The following IGSF10 variants were observed in gnomAD, a reference collection of about 807,000 sequenced individuals.
IGSF10 encodes calvaria mechanical force protein 608.
IGSF10 carries 126 observed loss-of-function variants against 128.2 expected under a neutral mutation model. That is an observed-to-expected ratio of 0.98 (90% CI 0.85 to 1.14). IGSF10 has a LOEUF of 1.14. Among genes scored for constraint, IGSF10 ranks in the 50% most tolerant of loss-of-function variants. IGSF10 has a pLI of 0.00. For synonymous variants in IGSF10, 1,185 were observed against 1,146.2 expected (o/e 1.03, Z -0.68); for missense variants, 3,295 against 3,149.8 (o/e 1.05, Z -1.10).
rs368405652 is a variant in IGSF10, at chr3:151,448,034, G to A, written c.1947C>T (p.Asn649=). Residue 649 remains asparagine (N), a synonymous_variant, in exon 6 of 8, where the codon AAC becomes AAT. Transcript: ENST00000282466. ...DQGYYRCVAA[N]PSGVDFLIFQ... The stretch of plus-strand genomic sequence containing the variant: ...AAATCAAAAAATCAACCCCTGATGG[G>A]TTGGCTGCCACACAGCGATAATAAC... The A allele has an allele frequency of 1.9e-6, 3 of 1,614,160 alleles. No homozygotes were observed. Among genetic ancestry groups the A allele is most frequent in the Non-Finnish European group, 2.5e-6 (3 of 1,180,034 alleles).
the IGSF10 span, among the ~76,000 whole-genome samples, chr3:151,494,755 G>A: frequency 5.3e-5 from 8 of 151,964 alleles, no homozygotes; most frequent in Non-Finnish European, 1.0e-4. Context: ...CTTGTTCTTC[G>A]ATGGAAATGA....
the IGSF10 span, among the ~76,000 whole-genome samples, chr3:151,508,906 T>TAGA: frequency 6.6e-6 from 1 of 152,254 alleles, no homozygotes; most frequent in South Asian, 2.1e-4. Context: ...GAGTTTATGC[T>TAGA]ATCAATTATA....
chr3:151,437,305 T>G lies in IGSF10; in HGVS notation c.7256A>C (p.Tyr2419Ser), dbSNP rs781227634. 6.2e-7 allele frequency: 1 copy of G among 1,614,076 alleles called. No individual in the cohort carries two copies. ...YRCAARNKVGYIEKLVILEIG... is the reference protein window; with the variant it reads ...YRCAARNKVGSIEKLVILEIG... Reference sequence around the variant, plus strand: ...TTCTAATATGACTAATTTCTCAATATAGCCAACTTTATTCCTAGCTGCACA... The same window carrying G: ...TTCTAATATGACTAATTTCTCAATAGAGCCAACTTTATTCCTAGCTGCACA... The change falls in exon 8 of 8, where the codon TAT (tyrosine) becomes TCT (serine). Residue 2419 changes from tyrosine (Y) to serine (S), a missense_variant. By Grantham distance (144) the Tyr-to-Ser change is moderately radical. Transcript: ENST00000282466.
In IGSF10 at chr3:151,436,494, T is replaced by A. The variant is rs1720238000; in HGVS notation, c.*195A>T. 1 of 460,676 alleles carries A rather than the reference T, an allele frequency of 2.2e-6. No individual in the cohort carries two copies. Among genetic ancestry groups the A allele is most frequent in the Admixed American group, 3.9e-5 (1 of 25,646 alleles). The allele number at this position is 460,676 out of a possible 1,614,324, so 28.5% of individuals were successfully genotyped here. A position where few individuals can be genotyped will look rare whatever the true frequency, so the allele number is the denominator to read the frequency against. On this transcript the variant is annotated 3_prime_UTR_variant, in exon 8 of 8. Transcript: ENST00000282466. ...AAAGTGCCTTAAGTTAAAAGTTTGT[T>A]TTGAGATCCATTAAATAAATCAGTA...
chr3:151,478,989 C>T, the IGSF10 span, among the ~76,000 whole-genome samples: 1 of 152,174 alleles, frequency 6.6e-6, no homozygotes, highest in Non-Finnish European at 1.5e-5. Flanking sequence ...CTTCCTAACA[C>T]CTACACTCTC....
At chr3:151,497,850 C>T in the IGSF10 span, among the ~76,000 whole-genome samples, 1 of 152,002 alleles carries the variant, frequency 6.6e-6, no homozygotes, top group Non-Finnish European at 1.5e-5. Flanking sequence ...TCTTTTATTT[C>T]GCTGAGCAGT....
At chr3:151,484,640 A>G in the IGSF10 span, among the ~76,000 whole-genome samples, 2 of 151,616 alleles carry the variant, frequency 1.3e-5, no homozygotes, top group East Asian at 1.9e-4. Flanking sequence ...AGCCTCTGCC[A>G]GTGATACCCA....
In IGSF10 at chr3:151,436,834, T is replaced by C. The variant is rs749020030; in HGVS notation, c.7727A>G (p.Glu2576Gly). 6.8e-6 allele frequency: 11 copies of C among 1,614,086 alleles called. No homozygotes were observed. The highest frequency in any genetic ancestry group is 8.5e-6 in the Non-Finnish European group (10 of 1,180,042). The stretch of plus-strand genomic sequence containing the variant: ...AAGCTGCTCACTTCCATGTGTCCTC[T>C]CTTTACTTGCCGTTGAGAGAAGGGA... ...DHSLLSTASK[E>G]RTHGSEQLHL... The change falls in exon 8 of 8, where the codon GAG becomes GGG. Residue 2576 changes from glutamate to glycine, a missense_variant. Physicochemically the swap from Glu to Gly is moderately conservative, Grantham distance 98. Coordinates refer to ENST00000282466, the MANE Select transcript of IGSF10 (RefSeq NM_178822.5).
At chr3:151,470,413 G>T in the IGSF10 span, among the ~76,000 whole-genome samples, 1 of 152,118 alleles carries the variant, frequency 6.6e-6, no homozygotes, top group Non-Finnish European at 1.5e-5. Flanking sequence ...CAATTAAGAA[G>T]TTTTCTTGGA....
the IGSF10 span, among the ~76,000 whole-genome samples, chr3:151,470,491 C>T: frequency 4.6e-5 from 7 of 152,182 alleles, no homozygotes; most frequent in Non-Finnish European, 1.0e-4. Flanking sequence ...TATGAGCTCA[C>T]TAATAATGCT....
intron 3 of IGSF10, among the ~76,000 whole-genome samples, chr3:151,457,514 C>T (rs1721851619): frequency 6.6e-6 from 1 of 152,142 alleles, no homozygotes; most frequent in Non-Finnish European, 1.5e-5. Flanking sequence ...ACTATCTCCT[C>T]ACCACTCCCC....
chr3:151,501,773 T>A, the IGSF10 span, among the ~76,000 whole-genome samples: 1 of 152,126 alleles, frequency 6.6e-6, no homozygotes, highest in Non-Finnish European at 1.5e-5. Flanking sequence ...GTAACCAATT[T>A]GAAAAGTACA....
chr3:151,558,007 T>A, the IGSF10 span, among the ~76,000 whole-genome samples: 1 of 29,620 alleles, frequency 3.4e-5, no homozygotes, highest in African/African-American at 1.8e-4. Context: ...GTATATATAA[T>A]ATATATATAT....
chr3:151,501,731 A>G, the IGSF10 span, among the ~76,000 whole-genome samples: 1 of 152,096 alleles, frequency 6.6e-6, no homozygotes, highest in Admixed American at 6.6e-5. Flanking sequence ...AATGATTAAG[A>G]GTCTTCATAG....
At chr3:151,494,870 A>G in the IGSF10 span, among the ~76,000 whole-genome samples, 2 of 152,138 alleles carry the variant, frequency 1.3e-5, no homozygotes, top group African/African-American at 2.4e-5. Context: ...GTGCCATTAA[A>G]TCACAAACAC....
the IGSF10 span, among the ~76,000 whole-genome samples, chr3:151,513,696 T>C: frequency 1.3e-5 from 2 of 152,330 alleles, no homozygotes; most frequent in African/African-American, 4.8e-5. Context: ...TGTTTGCAGA[T>C]GACATGATTG....
the IGSF10 span, among the ~76,000 whole-genome samples, chr3:151,515,585 G>A: frequency 2.0e-5 from 3 of 151,556 alleles, no homozygotes; most frequent in Admixed American, 6.6e-5. Context: ...AAACCTGCAC[G>A]TTGTGTACAT....
chr3:151,479,371 AATTT>A, the IGSF10 span, among the ~76,000 whole-genome samples: 1 of 148,118 alleles, frequency 6.8e-6, no homozygotes, highest in Admixed American at 6.8e-5. Context: ...CTTTTAATTA[AATTT>A]ATTTTTCACT....
chr3:151,564,502 A>G, the IGSF10 span, among the ~76,000 whole-genome samples: 1 of 152,054 alleles, frequency 6.6e-6, no homozygotes, highest in Admixed American at 6.6e-5. Context: ...ATTGACCATG[A>G]AAGTCTAAAT....
Sources: gnomAD v4.1 joint callset for allele counts (sites outside exome capture counted in the v4.1 genomes callset) on GRCh38, gnomAD v4.1.1 for gene constraint, MANE v1.5 for transcripts, NCBI Gene and HGNC (gene_info 2026-07-23, HGNC 2026-07-21) for gene names.